The following PHACTR1 variants were observed in gnomAD, a reference collection of about 807,000 sequenced individuals.
PHACTR1 encodes the protein RPEL repeat containing 1.
A neutral mutation model predicts 69.2 loss-of-function variants in PHACTR1; 16 were observed. The ratio of observed to expected loss-of-function variants is 0.23; its 90% CI spans 0.16 to 0.35. The LOEUF (loss-of-function observed/expected upper bound fraction) is 0.35. PHACTR1 is among the 10% of genes least tolerant of loss of function. The probability of loss-of-function intolerance (pLI) is 1.00; values close to 1 mark genes in which losing one functional copy is unlikely to be tolerated. For synonymous variants in PHACTR1, 312 were observed against 284.5 expected (o/e 1.10, Z -0.97); for missense variants, 510 against 734.7 (o/e 0.69, Z 3.54).
At chr6:12,763,430 G>C (rs151263125) in intron 4 of PHACTR1, among the ~76,000 whole-genome samples, 8 of 152,100 alleles carry the variant, frequency 5.3e-5, no homozygotes, top group East Asian at 3.8e-4. Context: ...CTGTTGTAAA[G>C]CTACCTCATA....
chr6:12,892,434 C>G (rs962878395), intron 4 of PHACTR1, among the ~76,000 whole-genome samples: 2 of 152,120 alleles, frequency 1.3e-5, no homozygotes, highest in Non-Finnish European at 2.9e-5. Flanking sequence ...GCATCTGGGT[C>G]TGTCAGAGGG....
intron 4 of PHACTR1, among the ~76,000 whole-genome samples, chr6:12,788,119 C>A (rs1237817565): frequency 6.6e-6 from 1 of 151,428 alleles, no homozygotes; most frequent in Non-Finnish European, 1.5e-5. Context: ...GATCACGCCA[C>A]TGCACTCCAG....
chr6:12,752,806 T>G (rs956913962), intron 4 of PHACTR1, among the ~76,000 whole-genome samples: 1 of 151,900 alleles, frequency 6.6e-6, no homozygotes, highest in South Asian at 2.1e-4. Context: ...GGCAAGTCAG[T>G]CAAAGAATAG....
chr6:12,961,820 A>T (rs1792768286), intron 4 of PHACTR1, among the ~76,000 whole-genome samples: 1 of 152,168 alleles, frequency 6.6e-6, no homozygotes, highest in East Asian at 1.9e-4. Flanking sequence ...ATTTTTCCTG[A>T]GGTCTTGCTC....
chr6:13,149,786 C>T (rs571890460), intron 5 of PHACTR1, among the ~76,000 whole-genome samples: 1 of 151,770 alleles, frequency 6.6e-6, no homozygotes, highest in Non-Finnish European at 1.5e-5. Context: ...CAGTCCAACA[C>T]AAATTCGTAA....
At chr6:12,738,124 T>C (rs1306822554) in intron 3 of PHACTR1, among the ~76,000 whole-genome samples, 1 of 152,224 alleles carries the variant, frequency 6.6e-6, no homozygotes, top group Non-Finnish European at 1.5e-5. Flanking sequence ...TTCTTTAATC[T>C]GGAATAATTT....
intron 5 of PHACTR1, among the ~76,000 whole-genome samples, chr6:13,092,686 G>A (rs1329817537): frequency 6.6e-6 from 1 of 152,222 alleles, no homozygotes; most frequent in Non-Finnish European, 1.5e-5. Flanking sequence ...CCATCTGGCG[G>A]TGATGGGAGA....
intron 8 of PHACTR1, among the ~76,000 whole-genome samples, chr6:13,221,117 C>G (rs1162497733): frequency 6.6e-6 from 1 of 152,154 alleles, no homozygotes; most frequent in East Asian, 1.9e-4. Flanking sequence ...GCAGGATGCT[C>G]TCTCTAGGCC....
At chr6:12,955,988 AT>A (rs765694511) in intron 4 of PHACTR1, among the ~76,000 whole-genome samples, 29 of 152,188 alleles carry the variant, frequency 1.9e-4, no homozygotes, top group Non-Finnish European at 3.2e-4. Context: ...TATCTGTCTA[AT>A]GTCACATATT....
Position 12,749,625 on chromosome 6 carries a change from G to C in PHACTR1, c.104-19G>C, listed in dbSNP as rs778907488. 1.5e-6 allele frequency: 2 copies of C among 1,373,538 alleles called. No individual in the cohort carries two copies. Among genetic ancestry groups the C allele is most frequent in the Non-Finnish European group, 1.9e-6 (2 of 1,031,734 alleles). The allele number at this position is 1,373,538 out of a possible 1,614,324, so 85.1% of individuals were successfully genotyped here. Reference sequence around the variant, plus strand: ...CTTCCGCCTCTCTCCCTCTCCCTCCGTCTCCTTCTCCCTCTCAGCTCGCCG... The same window carrying C: ...CTTCCGCCTCTCTCCCTCTCCCTCCCTCTCCTTCTCCCTCTCAGCTCGCCG... On this transcript the variant is annotated intron_variant, in intron 3 of 14. Transcript: ENST00000332995.
chr6:12,917,831 A>T (rs2127505957), intron 4 of PHACTR1, among the ~76,000 whole-genome samples: 1 of 152,238 alleles, frequency 6.6e-6, no homozygotes, highest in Middle Eastern at 3.4e-3. Context: ...CCCTCATGTC[A>T]ATACTGACTC....
chr6:13,133,434 C>CA (rs577236088), intron 5 of PHACTR1, among the ~76,000 whole-genome samples: 1 of 151,978 alleles, frequency 6.6e-6, no homozygotes, highest in South Asian at 2.1e-4. Flanking sequence ...CCTGGGATTG[C>CA]AGGCGCGCGC....
At chr6:12,775,352 C>T (rs921490640) in intron 4 of PHACTR1, among the ~76,000 whole-genome samples, 2 of 152,046 alleles carry the variant, frequency 1.3e-5, no homozygotes, top group African/African-American at 4.8e-5. Context: ...TTTATTTAGA[C>T]AAAGTTGGAT....
At chr6:13,228,237 G>A (rs182636610) in intron 9 of PHACTR1, among the ~76,000 whole-genome samples, 174 bp downstream of exon 9, 46 of 152,290 alleles carry the variant, frequency 3.0e-4, no homozygotes, top group African/African-American at 8.2e-4. Context: ...TCCTACATCA[G>A]TAAGAGGAGA....
chr6:12,904,067 C>T (rs1368814442), intron 4 of PHACTR1, among the ~76,000 whole-genome samples: 1 of 152,204 alleles, frequency 6.6e-6, no homozygotes, highest in Non-Finnish European at 1.5e-5. Flanking sequence ...TAGGGGATTA[C>T]TGAGCTATTC....
At chr6:13,284,533 AAAAAAAAAAAATATATATATAT>A (rs1562128320) in intron 13 of PHACTR1, among the ~76,000 whole-genome samples, 2 of 107,832 alleles carry the variant, frequency 1.9e-5, no homozygotes, top group Non-Finnish European at 3.4e-5. Flanking sequence ...AAAAAAAAAA[AAAAAAAAAAAATATATATATAT>A]ATATATATAT....
At chr6:12,727,965 C>A (rs770602577) in intron 3 of PHACTR1, among the ~76,000 whole-genome samples, 2 of 151,776 alleles carry the variant, frequency 1.3e-5, no homozygotes, top group African/African-American at 2.4e-5. Flanking sequence ...TATCCTTTTT[C>A]AATCATAAAA....
intron 4 of PHACTR1, among the ~76,000 whole-genome samples, chr6:13,035,765 A>G (rs1013434944): frequency 2.6e-5 from 4 of 152,182 alleles, no homozygotes; most frequent in Admixed American, 6.5e-5. Flanking sequence ...TGCTGAAGCC[A>G]TGCTTTTACA....
chr6:12,875,348 A>G (rs1353596551), intron 4 of PHACTR1, among the ~76,000 whole-genome samples: 1 of 152,210 alleles, frequency 6.6e-6, no homozygotes, highest in Non-Finnish European at 1.5e-5. Context: ...TAACTCAGCA[A>G]CATTTCTCAA....
Sources: allele counts gnomAD v4.1 joint callset (sites outside exome capture counted in the v4.1 genomes callset), GRCh38; gene constraint gnomAD v4.1.1; transcripts MANE v1.5; gene names NCBI Gene and HGNC (gene_info 2026-07-23, HGNC 2026-07-21).